Variants in ATF6B observed in about 807,000 individuals in gnomAD.
ATF6B encodes activating transcription factor 6 beta, also known as cyclic AMP-dependent transcription factor ATF-6 beta.
ATF6B carries 50 observed loss-of-function variants against 83.5 expected under a neutral mutation model. That is an observed-to-expected ratio of 0.60 (90% CI 0.48 to 0.76). The LOEUF (loss-of-function observed/expected upper bound fraction) is 0.76, where lower values mean the gene tolerates loss of function less well. Ranked by LOEUF, ATF6B falls within the 30% of genes least tolerant of loss-of-function variation. ATF6B has a pLI of 0.00. For synonymous variants in ATF6B, 344 were observed against 362.8 expected (o/e 0.95, Z 0.59); for missense variants, 790 against 893.8 (o/e 0.88, Z 1.48).
At chr6:32,121,475 G>C (rs1007956306) in intron 5 of ATF6B, 127 bp from the exon 6 acceptor site, 15 of 851,622 alleles carry the variant, frequency 1.8e-5, no homozygotes, top group Non-Finnish European at 2.6e-5. Context: ...GGCCAAGGCG[G>C]GCAGATCACC....
In ATF6B at chr6:32,119,200, T is replaced by C; in HGVS notation, c.967-59A>G. On this transcript the variant is annotated intron_variant, in intron 9 of 17. Transcript: ENST00000375203. The surrounding 1 kb of genome is among the most constrained non-coding windows in gnomAD (Gnocchi z 4.9). ...ATGAGTTGGCAGAAGGAGACTATGC[T>C]CTCAAACCCCAAGGAATGATTTACC... 1.3e-6 allele frequency: 2 copies of C among 1,531,208 alleles called. No individual in the cohort carries two copies. Among genetic ancestry groups the C allele is most frequent in the Non-Finnish European group, 1.8e-6 (2 of 1,141,576 alleles). 94.9% of individuals were successfully genotyped at this position (1,531,208 alleles called of 1,614,324 possible).
Position 32,127,769 on chromosome 6 carries a change from G to A in ATF6B, c.92-19C>T, listed in dbSNP as rs1358397791. ...GTGCTGTCTGCAAGAAATGCTGAGC[G>A]TCGGGGGGTCGTTCGGTGGCCCCAG... On this transcript the variant is annotated intron_variant, in intron 1 of 17. Coordinates refer to ENST00000375203, the MANE Select transcript of ATF6B (RefSeq NM_004381.5). The A allele has an allele frequency of 1.2e-6, 2 of 1,613,252 alleles. No individual in the cohort carries two copies. The highest frequency in any genetic ancestry group is 4.5e-5 in the East Asian group (2 of 44,876).
Position 32,119,238 on chromosome 6 carries a change from G to T in ATF6B, c.967-97C>A. On this transcript the variant is annotated intron_variant, in intron 9 of 17. Coordinates refer to ENST00000375203, the MANE Select transcript of ATF6B (RefSeq NM_004381.5). This position sits in a 1 kb window ranked among gnomAD's most constrained non-coding sequence, Gnocchi z 4.9. ...GGAATGATTTACCCAAAGCTCACAT[G>T]GCCATTCCCCTGCCTTCCTGACCCA... 1.4e-6 allele frequency: 2 copies of T among 1,427,660 alleles called. No individual in the cohort carries two copies. Among genetic ancestry groups the T allele is most frequent in the South Asian group, 1.3e-5 (1 of 74,620 alleles). The allele number at this position is 1,427,660 out of a possible 1,614,324, so 88.4% of individuals were successfully genotyped here.
rs776058318 is a variant in ATF6B at position 32,128,140 on chromosome 6, C to A, written c.68G>T (p.Ser23Ile). Residue 23 changes from serine to isoleucine, a missense_variant, in exon 1 of 18, where the codon AGC becomes ATC. Around this residue, in one of 3 missense-constraint regions of ATF6B, gnomAD observed 253 missense variants for 243.1 expected, o/e 1.04. Coordinates refer to ENST00000375203, the MANE Select transcript of ATF6B (RefSeq NM_004381.5). ...ACTCTGCAGACCCCAGTCCTCCGGGCTAAGCAGGTTGTCGGTGAAGAAACG... is the reference window on the plus strand; with the variant it reads ...ACTCTGCAGACCCCAGTCCTCCGGGATAAGCAGGTTGTCGGTGAAGAAACG... Reference protein sequence around the residue: ...PTRFFTDNLLSPEDWGLQNST... With the variant: ...PTRFFTDNLLIPEDWGLQNST... 65 of 1,613,332 alleles carry A rather than the reference C, an allele frequency of 4.0e-5. No homozygotes were observed. The highest frequency in any genetic ancestry group is 5.3e-5 in the African/African-American group (4 of 74,860).
At chr6:32,120,107 T>C (rs1781695912) in intron 8 of ATF6B, 150 bp from the exon 9 acceptor site, 1 of 1,083,508 alleles carries the variant, frequency 9.2e-7, no homozygotes, top group Non-Finnish European at 1.3e-6. Context: ...TCTCCTTTTT[T>C]TCTTTTTTGA....
chr6:32,125,458 T>C lies in ATF6B; in HGVS notation c.478+659A>G, dbSNP rs1344552307. Among the ~76,000 whole-genome samples, 1 of 152,320 alleles carries C rather than the reference T, an allele frequency of 6.6e-6. No homozygotes were observed. The highest frequency in any genetic ancestry group is 2.1e-4 in the South Asian group (1 of 4,828). ...TTAGTATATGGTGTTCTAGCCTTTC[T>C]GTATGTTTAAAAATGTTTATGGGCT... On this transcript the variant is annotated intron_variant, in intron 5 of 17. Coordinates refer to ENST00000375203, the MANE Select transcript of ATF6B (RefSeq NM_004381.5). The surrounding 1 kb of genome is among the most constrained non-coding windows in gnomAD (Gnocchi z 4.1).
intron 5 of ATF6B, among the ~76,000 whole-genome samples, chr6:32,124,391 T>C (rs1430299754): frequency 1.3e-5 from 2 of 152,178 alleles, no homozygotes; most frequent in African/African-American, 2.4e-5. Context: ...CTATTCCACT[T>C]CATTCTTTCT....
At position 32,117,782 on chromosome 6, in the gene ATF6B, G is replaced by A. The variant is rs1188806682; in HGVS notation, c.1424+77C>T. Reference sequence around the variant, plus strand: ...GCGATGACGGCAAGAGAAAGCTTTGGGTCCCCCTCACTGAAAGCGGGGAGA... The same window carrying A: ...GCGATGACGGCAAGAGAAAGCTTTGAGTCCCCCTCACTGAAAGCGGGGAGA... On this transcript the variant is annotated intron_variant, in intron 12 of 17. Transcript: ENST00000375203. The surrounding 1 kb of genome is among the most constrained non-coding windows in gnomAD (Gnocchi z 5.0). 3 of 1,574,198 alleles carry A rather than the reference G, an allele frequency of 1.9e-6. No homozygotes were observed. Among genetic ancestry groups the A allele is most frequent in the Non-Finnish European group, 2.6e-6 (3 of 1,159,106 alleles).
In ATF6B at chr6:32,117,537, A is replaced by G. The variant is rs1303235657; in HGVS notation, c.1532+50T>C. 1 of 1,599,476 alleles carries G rather than the reference A, an allele frequency of 6.3e-7. No individual in the cohort carries two copies. On this transcript the variant is annotated intron_variant, in intron 13 of 17. Coordinates refer to ENST00000375203, the MANE Select transcript of ATF6B (RefSeq NM_004381.5). The surrounding 1 kb of genome is among the most constrained non-coding windows in gnomAD (Gnocchi z 5.0). ...ACAGGCCAGCCAGGCTGACTGCAGA[A>G]GGCCTTGGGAGGCCGGGGGAGCTGG...
rs1383185543 is a variant in ATF6B at position 32,117,077 on chromosome 6, C to A, written c.1645G>T (p.Val549Phe). 2 of 1,614,118 alleles carry A rather than the reference C, an allele frequency of 1.2e-6. No homozygotes were observed. The highest frequency in any genetic ancestry group is 1.7e-6 in the Non-Finnish European group (2 of 1,179,990). Residue 549 changes from valine to phenylalanine, a missense_variant, in exon 15 of 18, where the codon GTT (valine) becomes TTT (phenylalanine). Val to Phe is a conservative substitution (Grantham distance 50). This residue lies in a region of ATF6B where 530 missense variants were observed against 632.6 expected (regional missense o/e 0.84). Transcript: ENST00000375203. This position sits in a 1 kb window ranked among gnomAD's most constrained non-coding sequence, Gnocchi z 5.0. ...GGGGGTTGGATGGGGACTGCCTTAA[C>A]TGGAGGTGACTTCTTCCGTGGCTGA... Reference protein sequence around the residue: ...KSQPRKKSPPVKAVPIQPPGP... With the variant: ...KSQPRKKSPPFKAVPIQPPGP...
At position 32,116,104 on chromosome 6, in the gene ATF6B, C is replaced by A. The variant is rs1462162598; in HGVS notation, c.1883-136G>T. The A allele has an allele frequency of 4.5e-6, 3 of 669,884 alleles. No individual in the cohort carries two copies. Among genetic ancestry groups the A allele is most frequent in the Non-Finnish European group, 7.6e-6 (3 of 395,852 alleles). 41.5% of individuals were successfully genotyped at this position (669,884 alleles called of 1,614,324 possible). A position where few individuals can be genotyped will look rare whatever the true frequency, so the allele number is the denominator to read the frequency against. ...CAATAGTGAGGAGGCAGATCCATAG[C>A]GGGAGTTAAACAGGATGGCAGGGAC... On this transcript the variant is annotated intron_variant, in intron 17 of 17. Coordinates refer to ENST00000375203, the MANE Select transcript of ATF6B (RefSeq NM_004381.5). The surrounding 1 kb of genome is among the most constrained non-coding windows in gnomAD (Gnocchi z 5.1).
intron 5 of ATF6B, 81 bp from the exon 6 acceptor site, chr6:32,121,429 A>G: frequency 7.3e-7 from 1 of 1,379,006 alleles, no homozygotes; most frequent in Non-Finnish European, 1.0e-6. Flanking sequence ...GAGGCTGGGC[A>G]TGGTGGCTCA....
At chr6:32,128,075 G>C (rs1782063719) in intron 1 of ATF6B, 42 bp downstream of exon 1, 2 of 1,606,656 alleles carry the variant, frequency 1.2e-6, no homozygotes, top group African/African-American at 1.3e-5. Flanking sequence ...GCGTGCCTCA[G>C]GGACAGTTTG....
intron 4 of ATF6B, among the ~76,000 whole-genome samples, chr6:32,126,720 C>T (rs960987036): frequency 2.0e-5 from 3 of 152,070 alleles, no homozygotes; most frequent in Admixed American, 2.0e-4. Context: ...ATTAGCCAGA[C>T]ATGGTGGCAT....
rs1292749256 is a variant in ATF6B, at chr6:32,117,665, T to C, written c.1454A>G (p.Lys485Arg). 2 of 1,614,170 alleles carry C rather than the reference T, an allele frequency of 1.2e-6. No homozygotes were observed. The highest frequency in any genetic ancestry group is 1.3e-5 in the African/African-American group (1 of 75,056). Residue 485 changes from lysine to arginine, a missense_variant, in exon 13 of 18, where the codon AAG becomes AGG. Physicochemically the swap from Lys to Arg is conservative, Grantham distance 26 (BLOSUM62 2). This residue lies in a region of ATF6B where 530 missense variants were observed against 632.6 expected (regional missense o/e 0.84). Coordinates refer to ENST00000375203, the MANE Select transcript of ATF6B (RefSeq NM_004381.5). The surrounding 1 kb of genome is among the most constrained non-coding windows in gnomAD (Gnocchi z 5.0). ...GTCTAGGTCTCTTAGTAGTAGCTCC[T>C]TGGCGCCCCCAGGGAAGGCTGTCAG... ...SNLTAFPGGA[K>R]ELLLRDLDQL...
At position 32,117,162 on chromosome 6, in the gene ATF6B, A is replaced by G. The variant is rs1371072816; in HGVS notation, c.1615-55T>C. The G allele has an allele frequency of 6.3e-7, 1 of 1,590,778 alleles. No homozygotes were observed. Among genetic ancestry groups the G allele is most frequent in the South Asian group, 1.1e-5 (1 of 90,160 alleles). Reference sequence around the variant, plus strand: ...GAGGGTGAAGGGAAAAGGGAAAGAGACAAACAGCCCCTGGAAGCTGATGCC... The same window carrying G: ...GAGGGTGAAGGGAAAAGGGAAAGAGGCAAACAGCCCCTGGAAGCTGATGCC... On this transcript the variant is annotated intron_variant, in intron 14 of 17. Transcript: ENST00000375203. The surrounding 1 kb of genome is among the most constrained non-coding windows in gnomAD (Gnocchi z 5.0).
Position 32,120,977 on chromosome 6 carries a change from A to AG in ATF6B, c.700+11dup. 1 of 1,519,454 alleles carries AG rather than the reference A, an allele frequency of 6.6e-7. No homozygotes were observed. The highest frequency in any genetic ancestry group is 8.8e-7 in the Non-Finnish European group (1 of 1,134,600). 94.1% of individuals were successfully genotyped at this position (1,519,454 alleles called of 1,614,324 possible). On this transcript the variant is annotated intron_variant, in intron 7 of 17. Transcript: ENST00000375203. The stretch of plus-strand genomic sequence containing the variant: ...CTCACTAGGGATTCCAAGTGTCAGG[A>AG]GACTCCATTACCTGAGGAGCCATCA...
At position 32,119,022 on chromosome 6, in the gene ATF6B, A is replaced by G. The variant is rs1417504197; in HGVS notation, c.1086T>C (p.Ala362=). 2 of 1,614,056 alleles carry G rather than the reference A, an allele frequency of 1.2e-6. No homozygotes were observed. Among genetic ancestry groups the G allele is most frequent in the Non-Finnish European group, 1.7e-6 (2 of 1,180,030 alleles). The change falls in exon 10 of 18, where the codon GCT becomes GCC. Residue 362 remains alanine, a synonymous_variant. Coordinates refer to ENST00000375203, the MANE Select transcript of ATF6B (RefSeq NM_004381.5). This position sits in a 1 kb window ranked among gnomAD's most constrained non-coding sequence, Gnocchi z 4.9. The part of the protein sequence containing the change: ...GLEARLQAVL[A]DNQQLRRENA... ...TCTCTCGGCGGAGCTGCTGGTTGTC[A>G]GCCAGTACTGCTTGCAGCCGAGCCT...
Position 32,119,697 on chromosome 6 carries a change from T to G in ATF6B, c.966+127A>C. 1 of 1,346,764 alleles carries G rather than the reference T, an allele frequency of 7.4e-7. No individual in the cohort carries two copies. The highest frequency in any genetic ancestry group is 2.2e-5 in the Admixed American group (1 of 45,538). 83.4% of individuals were successfully genotyped at this position (1,346,764 alleles called of 1,614,324 possible). On this transcript the variant is annotated intron_variant, in intron 9 of 17. Transcript: ENST00000375203. This position sits in a 1 kb window ranked among gnomAD's most constrained non-coding sequence, Gnocchi z 4.9. ...CATTCTGACCCTCAGAATGATCTAA[T>G]GGGTCCGTTTCCTCACTTTTTTCTC...
Sources: gnomAD v4.1 joint callset for allele counts (sites outside exome capture counted in the v4.1 genomes callset) on GRCh38, gnomAD v4.1.1 for gene constraint, gnomAD v4.1.1 regional missense constraint, Gnocchi (gnomAD v3.1) non-coding constraint, MANE v1.5 for transcripts, NCBI Gene and HGNC (gene_info 2026-07-23, HGNC 2026-07-21) for gene names.